PRSS23: variants seen among roughly 807,000 people sequenced by gnomAD.
PRSS23 encodes protease, serine 23.
Under a neutral mutation model 34.7 loss-of-function variants are expected in PRSS23, and 25 were observed. The ratio of observed to expected loss-of-function variants is 0.72; its 90% CI spans 0.53 to 1.01. The LOEUF (loss-of-function observed/expected upper bound fraction) is 1.01. PRSS23 is among the 50% of genes least tolerant of loss of function. PRSS23 has a pLI of 0.00. For missense variants in PRSS23, 445 were observed against 475.6 expected, an observed-to-expected ratio of 0.94 and a Z score of 0.60; for synonymous variants, 176 against 186.6, an observed-to-expected ratio of 0.94 and a Z score of 0.46.
intron 2 of PRSS23, among the ~76,000 whole-genome samples, chr11:86,870,655 C>A (rs895095092): frequency 1.3e-5 from 2 of 152,168 alleles, no homozygotes; most frequent in African/African-American, 4.8e-5. Context: ...CTGAAATTGT[C>A]CCACAGGTCG....
intron 2 of PRSS23, among the ~76,000 whole-genome samples, chr11:86,839,923 G>T (rs1307863907): frequency 6.6e-6 from 1 of 151,148 alleles, no homozygotes; most frequent in East Asian, 1.9e-4. Flanking sequence ...TCATCACCAG[G>T]CCTGCCTTAC....
At position 86,810,393 on chromosome 11, in the gene PRSS23, A is replaced by G. The variant is rs1336560570; in HGVS notation, c.*1598A>G. ...AGCTTTTTGGAAGGATAATTCTGAT[A>G]AGGCACTCAAGAAACGTACAACCAC... On this transcript the variant is annotated 3_prime_UTR_variant, in exon 2 of 2. Transcript: ENST00000280258. The G allele has an allele frequency of 1.2e-5, 2 of 167,078 alleles. No individual in the cohort carries two copies. Among genetic ancestry groups the G allele is most frequent in the African/African-American group, 4.8e-5 (2 of 41,466 alleles). 10.3% of individuals were successfully genotyped at this position (167,078 alleles called of 1,614,324 possible). A position where few individuals can be genotyped will look rare whatever the true frequency, so the allele number is the denominator to read the frequency against.
chr11:86,896,563 G>A (rs1948877415), intron 2 of PRSS23: 1 of 152,082 alleles, frequency 6.6e-6, no homozygotes, highest in South Asian at 2.1e-4. Flanking sequence ...AACCCTTTTT[G>A]TAATTCTCCC....
At chr11:86,933,269 A>G (rs1949138534) in intron 2 of PRSS23, 1 of 152,148 alleles carries the variant, frequency 6.6e-6, no homozygotes, top group African/African-American at 2.4e-5. Flanking sequence ...AACCACTCCA[A>G]TACATTTCCT....
At chr11:86,857,120 T>C (rs903203995) in intron 2 of PRSS23, 8 of 309,944 alleles carry the variant, frequency 2.6e-5, no homozygotes, top group Admixed American at 1.8e-4. Context: ...TGAATGTCCC[T>C]GTTTCTCAGG....
intron 2 of PRSS23, among the ~76,000 whole-genome samples, chr11:86,882,352 T>C (rs1357918492): frequency 7.2e-5 from 11 of 152,162 alleles, no homozygotes; most frequent in African/African-American, 2.2e-4. Flanking sequence ...ATCCTCTCCC[T>C]CCTCCCACTC....
chr11:86,929,040 G>A (rs1949104652), intron 2 of PRSS23, among the ~76,000 whole-genome samples: 1 of 152,070 alleles, frequency 6.6e-6, no homozygotes. Context: ...CCACAAACTT[G>A]GCTGGGTGCG....
Position 86,808,014 on chromosome 11 carries a change from C to T in PRSS23, c.371C>T (p.Ser124Phe). Residue 124 changes from serine (S) to phenylalanine (F), a missense_variant, in exon 2 of 2, where the codon TCT (serine) becomes TTT (phenylalanine). Transcript: ENST00000280258. ...QHRDSGSSGK[S>F]RRKRQIYGYD... ...CGAGACTCAGGGTCTTCAGGAAAGT[C>T]TCGAAGGAAGCGGCAGATTTATGGC... 1 of 1,614,012 alleles carries T rather than the reference C, an allele frequency of 6.2e-7. No individual in the cohort carries two copies. Among genetic ancestry groups the T allele is most frequent in the South Asian group, 1.1e-5 (1 of 91,056 alleles).
chr11:86,849,982 A>G (rs891335762), intron 2 of PRSS23, among the ~76,000 whole-genome samples: 3 of 152,198 alleles, frequency 2.0e-5, no homozygotes, highest in African/African-American at 7.2e-5. Context: ...CCAGTCAGGA[A>G]TCATTACTGA....
chr11:86,934,670 T>C (rs1411504330), intron 2 of PRSS23: 1 of 152,232 alleles, frequency 6.6e-6, no homozygotes. Context: ...TCAGGCCAAC[T>C]AGAGGATGCC....
chr11:86,879,868 A>G (rs1481198034), intron 2 of PRSS23, among the ~76,000 whole-genome samples: 1 of 142,816 alleles, frequency 7.0e-6, no homozygotes. Context: ...CCGGGAGGTG[A>G]GGGGCGCCTC....
intron 2 of PRSS23, among the ~76,000 whole-genome samples, chr11:86,833,746 C>T (rs1027719347): frequency 1.3e-5 from 2 of 152,148 alleles, no homozygotes; most frequent in Non-Finnish European, 2.9e-5. Context: ...GATGCAGTCA[C>T]CTTCCCACCT....
At position 86,918,629 on chromosome 11, in the gene PRSS23, G is replaced by A. The variant is rs116536004; in HGVS notation, c.207-32587G>A. ...TCTGTCTCTCCCAGACAATTAGAAT[G>A]TAGGCTCTGTGAGAGCTGAGATTAG... On this transcript the variant is annotated intron_variant, in intron 2 of 2. Transcript: ENST00000533902. 7.7e-3 allele frequency among the ~76,000 whole-genome samples: 1,166 copies of A among 152,270 alleles called. 16 individuals carry two copies. Among genetic ancestry groups the A allele is most frequent in the African/African-American group, 0.027 (1,122 of 41,546 alleles).
chr11:86,798,149 A>G (rs973143111), upstream of PRSS23, among the ~76,000 whole-genome samples: 2 of 151,976 alleles, frequency 1.3e-5, no homozygotes, highest in African/African-American at 4.9e-5. Flanking sequence ...CTATTAAGAT[A>G]CTTACCTTTT....
upstream of PRSS23, among the ~76,000 whole-genome samples, chr11:86,796,943 T>C (rs193276076): frequency 5.8e-4 from 89 of 152,364 alleles, no homozygotes; most frequent in Middle Eastern, 6.8e-3. Context: ...CCATGTTCTC[T>C]AGCTCATGTC....
chr11:86,819,672 A>G (rs1241858834), intron 1 of PRSS23, among the ~76,000 whole-genome samples: 1 of 152,222 alleles, frequency 6.6e-6, no homozygotes, highest in East Asian at 1.9e-4. Flanking sequence ...ACACTCTCTC[A>G]GTATACTACT....
rs201201919 is a variant in PRSS23 at position 86,856,138 on chromosome 11, TCAA to T, written c.206+32549_206+32551del. Reference sequence around the variant, plus strand: ...TCAATGTGTGTATAAATCTATAACTTCAACAAATGTAAAATGAAAATGCTAAGT... The same window carrying T: ...TCAATGTGTGTATAAATCTATAACTTCAAATGTAAAATGAAAATGCTAAGT... On this transcript the variant is annotated intron_variant, in intron 2 of 2. Coordinates refer to the PRSS23 transcript ENST00000533902. Among the ~76,000 whole-genome samples the T allele has an allele frequency of 3.9e-5, 6 of 152,248 alleles. No homozygotes were observed. In the East Asian group the frequency reaches 1.2e-3, roughly 29 times the overall value.
At chr11:86,813,439 A>G (rs193120852), downstream of PRSS23, among the ~76,000 whole-genome samples, 33 of 152,340 alleles carry the variant, frequency 2.2e-4, no homozygotes, top group Admixed American at 7.2e-4. Flanking sequence ...GCCAGCTCAT[A>G]TAGAAATTAA....
chr11:86,872,512 T>A (rs1469168039), intron 2 of PRSS23, among the ~76,000 whole-genome samples: 1 of 152,336 alleles, frequency 6.6e-6, no homozygotes, highest in East Asian at 1.9e-4. Flanking sequence ...TTAAGGTCAT[T>A]TGAGTGCAGA....
Sources: allele counts gnomAD v4.1 joint callset (sites outside exome capture counted in the v4.1 genomes callset), GRCh38; gene constraint gnomAD v4.1.1; transcripts MANE v1.5; gene names NCBI Gene and HGNC (gene_info 2026-07-23, HGNC 2026-07-21).